Variants in ZAN observed in about 807,000 individuals in gnomAD.
ZAN encodes zonadhesin (gene/pseudogene).
Under a neutral mutation model 286.2 loss-of-function variants are expected in ZAN, and 260 were observed. The observed-to-expected ratio is 0.91, with a 90% CI of 0.82 to 1.01. The LOEUF is 1.01. Ranked by LOEUF, ZAN falls within the 50% of genes least tolerant of loss-of-function variation. The pLI is 0.00. For missense variants in ZAN, 3,410 were observed against 3,639.2 expected (o/e 0.94, Z 1.62); for synonymous variants, 1,368 against 1,417.5 (o/e 0.97, Z 0.79).
intron 34 of ZAN, among the ~76,000 whole-genome samples, chr7:100,778,510 A>AGGT (rs915831445): frequency 1.3e-5 from 2 of 152,000 alleles, no homozygotes; most frequent in African/African-American, 4.8e-5. Context: ...CACAAGGCTG[A>AGGT]GGTGGGACGA....
chr7:100,748,078 C>G (rs2115760148), intron 9 of ZAN, 59 bp from the exon 10 acceptor site: 1 of 1,437,798 alleles, frequency 7.0e-7, no homozygotes, highest in African/African-American at 1.4e-5. Context: ...CGAGTTAGAT[C>G]AGGGGCTTGG....
chr7:100,784,642 C>T lies in ZAN; in HGVS notation c.6642C>T (p.Tyr2214=), dbSNP rs1475405440. Residue 2214 remains tyrosine, a synonymous_variant, in exon 36 of 48, where the codon TAC becomes TAT. Transcript: ENST00000613979. ...CCACAGCTCTGGAATGCCCTGCCTA[C>T]AGCAGCTACACCAACTGCCTTCCCT... ...SSFCPLECPA[Y]SSYTNCLPSC... 3 of 1,613,870 alleles carry T rather than the reference C, an allele frequency of 1.9e-6. No individual in the cohort carries two copies. The highest frequency in any genetic ancestry group is 2.2e-5 in the East Asian group (1 of 44,894).
At position 100,776,178 on chromosome 7, in the gene ZAN, G is replaced by C. The variant is rs1401966321; in HGVS notation, c.6193-262G>C. ...AAAATAAAAAAAAAAATTAGTTGGG[G>C]GTGGTGGTGCCCACCTGTAATCCCA... On this transcript the variant is annotated intron_variant, in intron 33 of 47. Transcript: ENST00000613979. Among the ~76,000 whole-genome samples, 3 of 152,034 alleles carry C rather than the reference G, an allele frequency of 2.0e-5. No individual in the cohort carries two copies. The East Asian group carries it at 5.8e-4, about 29-fold the overall frequency.
intron 34 of ZAN, among the ~76,000 whole-genome samples, chr7:100,777,454 A>T (rs1023634917): frequency 4.6e-5 from 7 of 152,054 alleles, no homozygotes; most frequent in African/African-American, 1.7e-4. Context: ...TCCGGGGTTC[A>T]AGCAATTCTC....
At chr7:100,776,718 CT>C (rs1161585746) in intron 34 of ZAN, among the ~76,000 whole-genome samples, 154 bp downstream of exon 34, 684 of 47,476 alleles carry the variant, frequency 0.014, no homozygotes, top group Middle Eastern at 0.026. Context: ...CCTCTCCTTT[CT>C]TTTTTTTTTT....
intron 11 of ZAN, 121 bp downstream of exon 11, chr7:100,748,591 G>A (rs2115768524): frequency 7.4e-7 from 1 of 1,358,572 alleles, no homozygotes; most frequent in Non-Finnish European, 9.8e-7. Flanking sequence ...GTCCACAGGT[G>A]TTTTTTCGGA....
intron 24 of ZAN, among the ~76,000 whole-genome samples, 152 bp from the exon 25 acceptor site, chr7:100,766,858 A>G (rs1044222089): frequency 1.3e-5 from 2 of 152,186 alleles, no homozygotes; most frequent in African/African-American, 4.8e-5. Flanking sequence ...GGCAGCTCCA[A>G]GCCAAGCCAA....
At position 100,768,669 on chromosome 7, in the gene ZAN, G is replaced by A. The variant is rs1274707074; in HGVS notation, c.5101G>A (p.Asp1701Asn). 3.7e-6 allele frequency: 6 copies of A among 1,610,004 alleles called. No homozygotes were observed. Among genetic ancestry groups the A allele is most frequent in the East Asian group, 4.5e-5 (2 of 44,720 alleles). Residue 1701 changes from aspartate to asparagine, a missense_variant, in exon 27 of 48, where the codon GAT becomes AAT. By Grantham distance (23) the Asp-to-Asn change is conservative (BLOSUM62 1). Around this residue, in one of 7 missense-constraint regions of ZAN, gnomAD observed 1,042 missense variants for 1,058.0 expected, o/e 0.98. Coordinates refer to ENST00000613979, the MANE Select transcript of ZAN (RefSeq NM_003386.3). ...GCGCCCCGACAGAAAGCTTGCAGGC[G>A]ATTCCATGCAGCTGGGGGCCGCCTG... ...NLRPDRKLAGDSMQLGAAWKL... is the reference protein window; with the variant it reads ...NLRPDRKLAGNSMQLGAAWKL...
chr7:100,773,370 C>G lies in ZAN; in HGVS notation c.5511C>G (p.Asp1837Glu). 6.2e-7 allele frequency: 1 copy of G among 1,614,018 alleles called. No homozygotes were observed. Among genetic ancestry groups the G allele is most frequent in the South Asian group, 1.1e-5 (1 of 91,086 alleles). The change falls in exon 30 of 48, where the codon GAC (aspartate) becomes GAG (glutamate). Residue 1837 changes from aspartate (D) to glutamate (E), a missense_variant. Transcript: ENST00000613979. ...DTCSSINNPR[D>E]CPKALPCAES... is the part of the protein sequence containing the mutation. ...GCAGCAGCATAAACAACCCGAGGGA[C>G]TGCCCCAAAGCACTGCCCTGTGCTG... is the stretch of plus-strand genomic sequence containing the variant.
At chr7:100,737,119 T>G (rs1382412955) in intron 5 of ZAN, 39 bp downstream of exon 5, 1 of 1,466,422 alleles carries the variant, frequency 6.8e-7, no homozygotes. Context: ...CGGGGGGGAG[T>G]CTGGGTGTTG....
At chr7:100,767,308 T>C (rs1810054210) in intron 25 of ZAN, 51 bp downstream of exon 25, 1 of 1,568,964 alleles carries the variant, frequency 6.4e-7, no homozygotes, top group Non-Finnish European at 8.6e-7. Flanking sequence ...GCCTGCTTGC[T>C]TCTCTCCTGT....
Position 100,797,753 on chromosome 7 carries a change from C to T in ZAN, c.*21C>T, listed in dbSNP as rs778333309. On this transcript the variant is annotated 3_prime_UTR_variant, in exon 48 of 48. Coordinates refer to ENST00000613979, the MANE Select transcript of ZAN (RefSeq NM_003386.3). ...GTTAAGTTGCTCAGTTTTGAGCTGT[C>T]TTCAGACAAGAAGATTAAATAAATT... 1 of 1,613,514 alleles carries T rather than the reference C, an allele frequency of 6.2e-7. No homozygotes were observed. The highest frequency in any genetic ancestry group is 1.3e-5 in the African/African-American group (1 of 74,998).
In ZAN at chr7:100,793,508, C is replaced by T. The variant is rs560582901; in HGVS notation, c.7788-312C>T. 6.9e-4 allele frequency among the ~76,000 whole-genome samples: 105 copies of T among 152,062 alleles called. 1 individual carries two copies. Among genetic ancestry groups the T allele is most frequent in the African/African-American group, 2.5e-3 (103 of 41,500 alleles). ...AGACTGGAGTGCAGTGGCATGATCTCGGCTCACTGCAACCTCCGCCTCCTG... is the reference window on the plus strand; with the variant it reads ...AGACTGGAGTGCAGTGGCATGATCTTGGCTCACTGCAACCTCCGCCTCCTG... On this transcript the variant is annotated intron_variant, in intron 42 of 47. Transcript: ENST00000613979.
chr7:100,770,960 C>T (rs1302695215), intron 28 of ZAN, among the ~76,000 whole-genome samples: 4 of 152,182 alleles, frequency 2.6e-5, no homozygotes, highest in African/African-American at 9.7e-5. Flanking sequence ...TGTGCCACCA[C>T]ACCCGGCTAG....
chr7:100,758,340 T>A lies in ZAN; in HGVS notation c.3448T>A (p.Tyr1150Asn). 2.5e-6 allele frequency: 4 copies of A among 1,612,066 alleles called. No individual in the cohort carries two copies. The highest frequency in any genetic ancestry group is 3.4e-6 in the Non-Finnish European group (4 of 1,179,222). ...GAATGGCCAGTATGGATGCCACCCCTACGGTGAGAGCCCCTCCCCATGCTG... is the reference window on the plus strand; with the variant it reads ...GAATGGCCAGTATGGATGCCACCCCAACGGTGAGAGCCCCTCCCCATGCTG... ...LKNGQYGCHP[Y>N]AGTATCLVYG... Residue 1150 changes from tyrosine to asparagine, a missense_variant, in exon 16 of 48, where the codon TAC becomes AAC. Tyr to Asn is a moderately radical substitution (Grantham distance 143). Around this residue, in one of 7 missense-constraint regions of ZAN, gnomAD observed 1,042 missense variants for 1,058.0 expected, o/e 0.98. Transcript: ENST00000613979.
intron 41 of ZAN, 79 bp from the exon 42 acceptor site, chr7:100,792,326 T>G: frequency 7.9e-6 from 12 of 1,524,494 alleles, no homozygotes; most frequent in Non-Finnish European, 1.1e-5. Context: ...TGTTTGGGGT[T>G]CCAGGCTCTC....
chr7:100,751,311 G>A, intron 13 of ZAN, 45 bp downstream of exon 13: 2 of 1,375,988 alleles, frequency 1.5e-6, no homozygotes, highest in Non-Finnish European at 9.8e-7. Flanking sequence ...GTGCCCTGAG[G>A]TTCCCTGGAG....
Position 100,735,658 on chromosome 7 carries a change from A to C in ZAN, c.54-62A>C, listed in dbSNP as rs1358395546. The C allele has an allele frequency of 2.4e-6, 3 of 1,248,826 alleles. 1 individual carries two copies. The African/African-American group carries it at 4.6e-5, about 19-fold the overall frequency. The allele number at this position is 1,248,826 out of a possible 1,614,324, so 77.4% of individuals were successfully genotyped here. A position where few individuals can be genotyped will look rare whatever the true frequency, so the allele number is the denominator to read the frequency against. On this transcript the variant is annotated intron_variant, in intron 2 of 47. Coordinates refer to ENST00000613979, the MANE Select transcript of ZAN (RefSeq NM_003386.3). ...CCACTCAGAAAGCTCACAGTCACTGAATCTTATAATTCTTGATAATGACAC... is the reference window on the plus strand; with the variant it reads ...CCACTCAGAAAGCTCACAGTCACTGCATCTTATAATTCTTGATAATGACAC...
At chr7:100,751,573 T>G (rs1209198319) in intron 13 of ZAN, 139 bp from the exon 14 acceptor site, 13 of 905,272 alleles carry the variant, frequency 1.4e-5, no homozygotes, top group Non-Finnish European at 1.8e-5. Flanking sequence ...GTTCGTTGAG[T>G]GGATGAAGGT....
Sources: allele counts gnomAD v4.1 joint callset (sites outside exome capture counted in the v4.1 genomes callset), GRCh38; gene constraint gnomAD v4.1.1; regional missense constraint gnomAD v4.1.1; transcripts MANE v1.5; gene names NCBI Gene and HGNC (gene_info 2026-07-23, HGNC 2026-07-21).